ACACA: variants seen among roughly 807,000 people sequenced by gnomAD.
The protein encoded by ACACA is acetyl-CoA carboxylase alpha.
A neutral mutation model predicts 296.1 loss-of-function variants in ACACA; 103 were observed. That is an observed-to-expected ratio of 0.35 (90% CI 0.30 to 0.41). ACACA has a LOEUF of 0.41. ACACA is among the 10% of genes least tolerant of loss of function. The pLI, the probability that ACACA is intolerant of heterozygous loss-of-function variation, is 1.00. For missense variants in ACACA, 1,554 were observed against 2,989.7 expected, an observed-to-expected ratio of 0.52 and a Z score of 11.20; for synonymous variants, 953 against 1,038.6, an observed-to-expected ratio of 0.92 and a Z score of 1.58.
At chr17:37,206,743 C>G in intron 32 of ACACA, 40 bp downstream of exon 32, 1 of 1,484,606 alleles carries the variant, frequency 6.7e-7, no homozygotes, top group Non-Finnish European at 9.4e-7. Flanking sequence ...AGTCCCATGT[C>G]TGAGGGGAAC....
At position 37,284,867 on chromosome 17, in the gene ACACA, G is replaced by T. The variant is rs753354765; in HGVS notation, c.442C>A (p.Arg148Ser). The change falls in exon 4 of 56, where the codon CGC becomes AGC. Residue 148 changes from arginine to serine, a missense_variant. Transcript: ENST00000616317. The stretch of plus-strand genomic sequence containing the variant: ...TCAATCACTTTATTTCCCCCAAAGC[G>T]AGTAACAAATTCTGCTGGAGAAGCC... ...TVASPAEFVT[R>S]FGGNKVIEKV... The T allele has an allele frequency of 6.2e-7, 1 of 1,614,122 alleles. No homozygotes were observed. Among genetic ancestry groups the T allele is most frequent in the South Asian group, 1.1e-5 (1 of 91,082 alleles).
intron 41 of ACACA, among the ~76,000 whole-genome samples, chr17:37,173,604 TTA>T (rs1393830302): frequency 6.6e-6 from 1 of 152,100 alleles, no homozygotes; most frequent in Non-Finnish European, 1.5e-5. Context: ...GTGTATTTTT[TTA>T]TATGTTTAAA....
In ACACA at chr17:37,301,470, CA is replaced by C. The variant is rs907009741; in HGVS notation, c.339-16501del. 8.4e-5 allele frequency: 74 copies of C among 879,200 alleles called. No individual in the cohort carries two copies. In the African/African-American group the frequency reaches 1.3e-3, roughly 15 times the overall value. The allele number at this position is 879,200 out of a possible 1,614,324, so 54.5% of individuals were successfully genotyped here. A position where few individuals can be genotyped will look rare whatever the true frequency, so the allele number is the denominator to read the frequency against. The stretch of plus-strand genomic sequence containing the variant: ...ATGACGTAGCAGTTTACCCGGCAGA[CA>C]GTGATGCATTCGCTAGCTTGACTGC... On this transcript the variant is annotated intron_variant, in intron 3 of 55. Coordinates refer to ENST00000616317, the MANE Select transcript of ACACA (RefSeq NM_198834.3).
intron 3 of ACACA, 76 bp downstream of exon 3, chr17:37,330,097 C>T: frequency 6.4e-7 from 1 of 1,574,560 alleles, no homozygotes; most frequent in Admixed American, 1.7e-5. Flanking sequence ...CTGAAATCAT[C>T]CTTGCTCTTT....
intron 1 of ACACA, among the ~76,000 whole-genome samples, chr17:37,346,578 T>C (rs2147405215): frequency 2.0e-5 from 3 of 151,384 alleles, no homozygotes; most frequent in Middle Eastern, 6.9e-3. Context: ...GGCGGGCGCC[T>C]GTAGTCTCAG....
chr17:37,343,000 C>T lies in ACACA; in HGVS notation c.39-3150G>A, dbSNP rs553054292. On this transcript the variant is annotated intron_variant, in intron 1 of 55. Transcript: ENST00000616317. ...AATTTTTTTTTTCTTTTTATTGAGA[C>T]GGAGTCTCAATCTGTCACCCAGGCT... Among the ~76,000 whole-genome samples, 346 of 151,998 alleles carry T rather than the reference C, an allele frequency of 2.3e-3. 3 individuals carry two copies. The South Asian group carries it at 0.033, about 15-fold the overall frequency.
At chr17:37,325,853 C>T (rs565774406) in intron 3 of ACACA, among the ~76,000 whole-genome samples, 36 of 151,796 alleles carry the variant, frequency 2.4e-4, no homozygotes, top group African/African-American at 6.8e-4. Flanking sequence ...GGATTGCAGG[C>T]GTGAGCCACC....
intron 1 of ACACA, among the ~76,000 whole-genome samples, chr17:37,371,099 G>A (rs1251045371): frequency 6.6e-6 from 1 of 151,934 alleles, no homozygotes; most frequent in Non-Finnish European, 1.5e-5. Flanking sequence ...TTGTTTTTGA[G>A]ATGGAATTTC....
At chr17:37,381,372 G>A (rs1315070959) in intron 1 of ACACA, among the ~76,000 whole-genome samples, 1 of 151,756 alleles carries the variant, frequency 6.6e-6, no homozygotes, top group Admixed American at 6.6e-5. Flanking sequence ...TTTTAGTAGA[G>A]ACAAGGTTTC....
At chr17:37,234,832 T>A (rs1393994085) in intron 25 of ACACA, 143 bp downstream of exon 25, 7 of 935,012 alleles carry the variant, frequency 7.5e-6, no homozygotes, top group Admixed American at 7.2e-5. Context: ...TGTGAGAAAC[T>A]GTTAATCCAC....
chr17:37,192,730 G>A (rs1167232950), intron 36 of ACACA, among the ~76,000 whole-genome samples: 1 of 151,972 alleles, frequency 6.6e-6, no homozygotes, highest in African/African-American at 2.4e-5. Flanking sequence ...TCTCACTTAT[G>A]ATAAGTACAA....
At position 37,113,348 on chromosome 17, in the gene ACACA, C is replaced by A; in HGVS notation, c.6275-83G>T. ...TTTAAACACTGTTCAGGACCTCTGG[C>A]CACGAAGAGCCTCCTTATACTATGC... On this transcript the variant is annotated intron_variant, in intron 50 of 55. Transcript: ENST00000616317. The surrounding 1 kb of genome is among the most constrained non-coding windows in gnomAD (Gnocchi z 4.0). 7.1e-7 allele frequency: 1 copy of A among 1,406,826 alleles called. No homozygotes were observed. The highest frequency in any genetic ancestry group is 1.4e-5 in the African/African-American group (1 of 70,968). 87.1% of individuals were successfully genotyped at this position (1,406,826 alleles called of 1,614,324 possible).
At chr17:37,174,679 C>T (rs557543638) in intron 41 of ACACA, among the ~76,000 whole-genome samples, 276 of 151,958 alleles carry the variant, frequency 1.8e-3, no homozygotes, top group Non-Finnish European at 2.9e-3. Flanking sequence ...ACTACAGGCA[C>T]CCGCCACCAC....
At chr17:37,173,982 T>TATATATA (rs2076973842) in intron 41 of ACACA, among the ~76,000 whole-genome samples, 3 of 19,438 alleles carry the variant, frequency 1.5e-4, no homozygotes, top group African/African-American at 5.0e-4. Context: ...CCTGGCTAAT[T>TATATATA]TATATATATA....
intron 1 of ACACA, among the ~76,000 whole-genome samples, chr17:37,375,682 G>T (rs2049974231): frequency 6.6e-6 from 1 of 152,068 alleles, no homozygotes; most frequent in Admixed American, 6.6e-5. Context: ...TTCCTTACTA[G>T]AAATCTCCAC....
Position 37,087,129 on chromosome 17 carries a change from G to T in ACACA, c.*187C>A, listed in dbSNP as rs2072257027. 2 of 774,414 alleles carry T rather than the reference G, an allele frequency of 2.6e-6. No individual in the cohort carries two copies. The highest frequency in any genetic ancestry group is 2.7e-5 in the East Asian group (1 of 37,344). The allele number at this position is 774,414 out of a possible 1,614,324, so 48.0% of individuals were successfully genotyped here. ...TGAATGGGGTAGGTGTGACTGGTGG[G>T]CTGGAGGGGGATTCTGTGATCTTAC... is the stretch of plus-strand genomic sequence containing the variant. On this transcript the variant is annotated 3_prime_UTR_variant, in exon 56 of 56. Coordinates refer to ENST00000616317, the MANE Select transcript of ACACA (RefSeq NM_198834.3).
intron 3 of ACACA, among the ~76,000 whole-genome samples, chr17:37,288,723 G>A (rs1368455917): frequency 1.3e-5 from 2 of 151,882 alleles, no homozygotes; most frequent in African/African-American, 4.8e-5. Flanking sequence ...CATAGAAAGA[G>A]CTCATCTATA....
chr17:37,187,262 A>AT (rs1362498525), intron 39 of ACACA, among the ~76,000 whole-genome samples: 2 of 152,234 alleles, frequency 1.3e-5, no homozygotes, highest in Admixed American at 6.5e-5. Context: ...CCAAACTGAG[A>AT]TTTTTAAAAA....
chr17:37,114,415 C>T (rs555885458), intron 50 of ACACA, among the ~76,000 whole-genome samples: 1 of 151,850 alleles, frequency 6.6e-6, no homozygotes, highest in East Asian at 1.9e-4. Flanking sequence ...TTCCCATAGT[C>T]CCAGCAACCC....
Sources: allele counts gnomAD v4.1 joint callset (sites outside exome capture counted in the v4.1 genomes callset), GRCh38; gene constraint gnomAD v4.1.1; non-coding constraint Gnocchi (gnomAD v3.1); transcripts MANE v1.5; gene names NCBI Gene and HGNC (gene_info 2026-07-23, HGNC 2026-07-21).